The following DLGAP1 variants were observed in gnomAD, a reference collection of about 807,000 sequenced individuals.
The protein encoded by DLGAP1 is DLG associated protein 1.
DLGAP1 carries 11 observed loss-of-function variants against 90.8 expected under a neutral mutation model. The ratio of observed to expected loss-of-function variants is 0.12; its 90% CI spans 0.08 to 0.20. The LOEUF (loss-of-function observed/expected upper bound fraction) is 0.20. Among genes scored for constraint, DLGAP1 ranks in the 10% least tolerant of loss-of-function variants. The probability of loss-of-function intolerance (pLI) is 1.00; values close to 1 mark genes in which losing one functional copy is unlikely to be tolerated. For synonymous variants in DLGAP1, 558 were observed against 540.7 expected (o/e 1.03, Z -0.44); for missense variants, 1,050 against 1,333.8 (o/e 0.79, Z 3.31).
intron 3 of DLGAP1, among the ~76,000 whole-genome samples, chr18:3,956,889 T>C (rs2073096575): frequency 1.3e-5 from 2 of 152,118 alleles, no homozygotes; most frequent in Admixed American, 1.3e-4. Flanking sequence ...TGGGCTCAAG[T>C]AGTCCACTTG....
chr18:3,719,556 CAAAAAAAAAAAAA>C (rs60129859), intron 7 of DLGAP1, among the ~76,000 whole-genome samples: 1 of 58,426 alleles, frequency 1.7e-5, no homozygotes, highest in Non-Finnish European at 3.7e-5. Flanking sequence ...GACTCTGTCT[CAAAAAAAAAAAAA>C]AAAAAAAAAG....
At chr18:3,691,995 T>C (rs1468075418) in intron 7 of DLGAP1, among the ~76,000 whole-genome samples, 1 of 152,178 alleles carries the variant, frequency 6.6e-6, no homozygotes, top group Admixed American at 6.5e-5. Context: ...GAAGGAAAAA[T>C]AGAAAATCTT....
At chr18:4,327,104 A>G in intron 1 of DLGAP1, among the ~76,000 whole-genome samples, 1 of 138,642 alleles carries the variant, frequency 7.2e-6, no homozygotes, top group East Asian at 2.1e-4. Flanking sequence ...AAATTTACAA[A>G]TTTTCGATTA....
chr18:3,911,702 G>A (rs1018384049), intron 3 of DLGAP1, among the ~76,000 whole-genome samples: 2 of 152,182 alleles, frequency 1.3e-5, no homozygotes, highest in Non-Finnish European at 2.9e-5. Flanking sequence ...TGGCTCTTTT[G>A]TGAACTATTT....
chr18:4,178,420 T>C (rs1473280232), intron 1 of DLGAP1, among the ~76,000 whole-genome samples: 3 of 152,132 alleles, frequency 2.0e-5, no homozygotes, highest in Non-Finnish European at 2.9e-5. Context: ...GAACACATCA[T>C]AGTTTGTTTT....
At chr18:3,588,048 T>C (rs1021687837) in intron 7 of DLGAP1, among the ~76,000 whole-genome samples, 9 of 152,266 alleles carry the variant, frequency 5.9e-5, no homozygotes, top group Admixed American at 5.2e-4. Flanking sequence ...CTGAAAGGAC[T>C]CTTATCCATT....
intron 1 of DLGAP1, among the ~76,000 whole-genome samples, chr18:4,338,792 T>A (rs2081127172): frequency 6.6e-6 from 1 of 152,220 alleles, no homozygotes; most frequent in African/African-American, 2.4e-5. Flanking sequence ...ATTTCCCCTA[T>A]GTGATCATCT....
chr18:3,499,133 C>A lies in DLGAP1; in HGVS notation c.*52G>T. ...GGAGAGGCAGCCGGCAGAGGAGCGG[C>A]CGGGGGAGGAGGGGACAGATGCTTG... On this transcript the variant is annotated 3_prime_UTR_variant, in exon 13 of 13. Coordinates refer to ENST00000315677, the MANE Select transcript of DLGAP1 (RefSeq NM_004746.4). The surrounding 1 kb of genome is among the most constrained non-coding windows in gnomAD (Gnocchi z 6.4). 1 of 1,448,156 alleles carries A rather than the reference C, an allele frequency of 6.9e-7. No homozygotes were observed. Among genetic ancestry groups the A allele is most frequent in the Middle Eastern group, 2.4e-4 (1 of 4,100 alleles). 89.7% of individuals were successfully genotyped at this position (1,448,156 alleles called of 1,614,324 possible).
chr18:3,781,981 T>C (rs960261595), intron 5 of DLGAP1, among the ~76,000 whole-genome samples: 1 of 152,182 alleles, frequency 6.6e-6, no homozygotes, highest in Non-Finnish European at 1.5e-5. Context: ...TTGTTATTGT[T>C]GTTTTTTTGT....
intron 1 of DLGAP1, among the ~76,000 whole-genome samples, chr18:4,221,283 T>C (rs982743664): frequency 1.3e-5 from 2 of 152,108 alleles, no homozygotes; most frequent in Admixed American, 6.6e-5. Flanking sequence ...TTATCAATTA[T>C]CTCCATTAAA....
intron 1 of DLGAP1, among the ~76,000 whole-genome samples, chr18:4,299,152 C>T (rs9950719): frequency 0.22 from 32,487 of 150,986 alleles, 3,616 homozygotes; most frequent in African/African-American, 0.25. Context: ...CCACTGAATC[C>T]GAAGTTCTGG....
At chr18:3,917,170 C>T (rs1054971335) in intron 3 of DLGAP1, among the ~76,000 whole-genome samples, 2 of 152,184 alleles carry the variant, frequency 1.3e-5, no homozygotes, top group Non-Finnish European at 2.9e-5. Context: ...GGTAAGTTAG[C>T]TGTACTAAAT....
rs539109984 is a variant in DLGAP1 at position 3,732,761 on chromosome 18, C to T, written c.1351-3386G>A. 2.0e-5 allele frequency among the ~76,000 whole-genome samples: 3 copies of T among 152,138 alleles called. No homozygotes were observed. The South Asian group carries it at 6.2e-4, about 32-fold the overall frequency. ...CTGGTATGACAAGGTATTCTAAACT[C>T]AACTTAAACCTTTCCTGCCCAGTCC... is the stretch of plus-strand genomic sequence containing the variant. On this transcript the variant is annotated intron_variant, in intron 6 of 12. Transcript: ENST00000315677.
chr18:4,004,782 T>C (rs59969787), intron 3 of DLGAP1, among the ~76,000 whole-genome samples: 7,712 of 152,208 alleles, frequency 0.051, 495 homozygotes, highest in African/African-American at 0.15. Flanking sequence ...CTTGGGGACA[T>C]AGAATAGAGC....
intron 3 of DLGAP1, among the ~76,000 whole-genome samples, chr18:4,000,775 G>C (rs1190610383): frequency 1.3e-5 from 2 of 152,152 alleles, no homozygotes; most frequent in Non-Finnish European, 2.9e-5. Context: ...CAAAAAGTCT[G>C]ATGACAATCT....
chr18:4,130,370 T>G (rs2076295733), intron 2 of DLGAP1, among the ~76,000 whole-genome samples: 1 of 152,190 alleles, frequency 6.6e-6, no homozygotes. Context: ...TATTTAATAG[T>G]AAGTGATGGA....
At position 4,197,997 on chromosome 18, in the gene DLGAP1, G is replaced by A. The variant is rs577889816; in HGVS notation, c.-266-46710C>T. Among the ~76,000 whole-genome samples the A allele has an allele frequency of 3.9e-5, 6 of 152,132 alleles. No homozygotes were observed. In the South Asian group the frequency reaches 6.2e-4, roughly 16 times the overall value. On this transcript the variant is annotated intron_variant, in intron 1 of 12. Transcript: ENST00000315677. ...AGCACTTTGGGAGGCTGAGGCGGGC[G>A]GATCACGAGATCAGGAGATCAAGAC...
At chr18:4,027,586 G>T (rs2074724815) in intron 2 of DLGAP1, among the ~76,000 whole-genome samples, 1 of 148,096 alleles carries the variant, frequency 6.8e-6, no homozygotes, top group African/African-American at 2.5e-5. Context: ...CACTTACCTA[G>T]TGAGCCCAGA....
At chr18:3,614,981 G>A (rs2057794197) in intron 7 of DLGAP1, among the ~76,000 whole-genome samples, 1 of 133,126 alleles carries the variant, frequency 7.5e-6, no homozygotes, top group Non-Finnish European at 1.6e-5. Flanking sequence ...GAGTGCAATG[G>A]CACGATCTCG....
Sources: allele counts gnomAD v4.1 joint callset (sites outside exome capture counted in the v4.1 genomes callset), GRCh38; gene constraint gnomAD v4.1.1; non-coding constraint Gnocchi (gnomAD v3.1); transcripts MANE v1.5; gene names NCBI Gene and HGNC (gene_info 2026-07-23, HGNC 2026-07-21).